The following EVI5 variants were observed in gnomAD, a reference collection of about 807,000 sequenced individuals.
The protein encoded by EVI5 is ecotropic viral integration site 5 protein homolog.
Under a neutral mutation model 112.0 loss-of-function variants are expected in EVI5, and 73 were observed. That is an observed-to-expected ratio of 0.65 (90% CI 0.54 to 0.79). The LOEUF (loss-of-function observed/expected upper bound fraction) is 0.79, where lower values mean the gene tolerates loss of function less well. Among genes scored for constraint, EVI5 ranks in the 30% least tolerant of loss-of-function variants. The pLI is 0.00. For synonymous variants in EVI5, 305 were observed against 319.9 expected, an observed-to-expected ratio of 0.95 and a Z score of 0.50; for missense variants, 900 against 968.8, an observed-to-expected ratio of 0.93 and a Z score of 0.94.
At chr1:92,710,103 G>GAAAAAAAAAA (rs1672623440) in intron 2 of EVI5, among the ~76,000 whole-genome samples, 1 of 19,804 alleles carries the variant, frequency 5.0e-5, no homozygotes. Flanking sequence ...AAAAAAAAGG[G>GAAAAAAAAAA]AGGCCGAGGC....
intron 1 of EVI5, 148 bp downstream of exon 1, chr1:92,784,688 C>G: frequency 2.2e-6 from 1 of 450,036 alleles, no homozygotes; most frequent in Non-Finnish European, 2.9e-6. Flanking sequence ...TAGGCCCTGG[C>G]GGGGCCAGGC....
intron 1 of EVI5, among the ~76,000 whole-genome samples, chr1:92,765,249 C>T: frequency 8.2e-6 from 1 of 122,356 alleles, no homozygotes; most frequent in Non-Finnish European, 1.6e-5. Flanking sequence ...GAGACAGGGT[C>T]TCACCATGTT....
chr1:92,615,197 A>G (rs1652844714), intron 16 of EVI5, among the ~76,000 whole-genome samples: 1 of 152,218 alleles, frequency 6.6e-6, no homozygotes, highest in South Asian at 2.1e-4. Context: ...GTGACTCTAT[A>G]CATAATACCT....
intron 16 of EVI5, among the ~76,000 whole-genome samples, chr1:92,613,361 C>T (rs903751191): frequency 6.6e-6 from 1 of 151,798 alleles, no homozygotes; most frequent in Non-Finnish European, 1.5e-5. Flanking sequence ...TGCAATGGTG[C>T]GACCTTGGCT....
rs1886684 is a variant in EVI5 at position 92,510,381 on chromosome 1, T to A, written c.*3275A>T. The A allele has an allele frequency of 6.6e-6, 1 of 151,992 alleles. No homozygotes were observed. Among genetic ancestry groups the A allele is most frequent in the East Asian group, 1.9e-4 (1 of 5,192 alleles). The allele number at this position is 151,992 out of a possible 1,614,324, so 9.4% of individuals were successfully genotyped here. A position where few individuals can be genotyped will look rare whatever the true frequency, so the allele number is the denominator to read the frequency against. ...TTCTCCTTCTCCAAAGATACAGATATCTTTCTACAGTTTTCTATGGAATAA... is the reference window on the plus strand; with the variant it reads ...TTCTCCTTCTCCAAAGATACAGATAACTTTCTACAGTTTTCTATGGAATAA... On this transcript the variant is annotated 3_prime_UTR_variant, in exon 20 of 20. Coordinates refer to ENST00000684568, the MANE Select transcript of EVI5 (RefSeq NM_001350197.2).
chr1:92,635,660 T>C (rs1658654774), intron 14 of EVI5, among the ~76,000 whole-genome samples: 1 of 152,170 alleles, frequency 6.6e-6, no homozygotes. Flanking sequence ...CCCACTATCC[T>C]GCACCCACTG....
chr1:92,638,522 C>A (rs919245265), intron 13 of EVI5, among the ~76,000 whole-genome samples: 1 of 152,104 alleles, frequency 6.6e-6, no homozygotes, highest in African/African-American at 2.4e-5. Flanking sequence ...CTATAAATTA[C>A]CTGAAGCTAA....
intron 19 of EVI5, among the ~76,000 whole-genome samples, chr1:92,554,946 A>T (rs1375499864): frequency 6.6e-6 from 1 of 152,204 alleles, no homozygotes. Flanking sequence ...GCACCACTGC[A>T]CTCCAGCTGG....
chr1:92,746,609 T>G (rs897520328), intron 1 of EVI5, among the ~76,000 whole-genome samples: 1 of 152,000 alleles, frequency 6.6e-6, no homozygotes, highest in Non-Finnish European at 1.5e-5. Flanking sequence ...GCCTGTAGTC[T>G]CACCTACTTG....
At chr1:92,626,454 CT>C (rs1655684829) in intron 14 of EVI5, among the ~76,000 whole-genome samples, 1 of 152,110 alleles carries the variant, frequency 6.6e-6, no homozygotes, top group South Asian at 2.1e-4. Context: ...GTTGTTTCCA[CT>C]TTTTGACTAT....
intron 1 of EVI5, among the ~76,000 whole-genome samples, chr1:92,759,926 T>A (rs1006661792): frequency 1.3e-5 from 2 of 149,172 alleles, no homozygotes; most frequent in African/African-American, 4.9e-5. Flanking sequence ...TATTTCCACC[T>A]TTTGACTCTT....
In EVI5 at chr1:92,530,210, G is replaced by A. The variant is rs1571337923; in HGVS notation, c.2167-16240C>T. Among the ~76,000 whole-genome samples the A allele has an allele frequency of 2.0e-5, 3 of 152,128 alleles. No homozygotes were observed. The East Asian group carries it at 5.8e-4, about 29-fold the overall frequency. On this transcript the variant is annotated intron_variant, in intron 19 of 19. Transcript: ENST00000684568. ...TTGAAAAAGCCCTAGTGGTAGCAAG[G>A]CCACTGAGGCCAGACTGCCTCTCCA... is the stretch of plus-strand genomic sequence containing the variant.
intron 1 of EVI5, among the ~76,000 whole-genome samples, chr1:92,770,682 T>C (rs979014156): frequency 1.5e-4 from 22 of 151,298 alleles, no homozygotes; most frequent in African/African-American, 4.8e-4. Flanking sequence ...CCCAGCTACT[T>C]GGGAGGCTGA....
intron 19 of EVI5, among the ~76,000 whole-genome samples, chr1:92,543,459 C>A (rs1303476693): frequency 5.9e-5 from 9 of 152,202 alleles, no homozygotes; most frequent in Admixed American, 2.0e-4. Flanking sequence ...GATCTTCTAT[C>A]CAGATCACTC....
intron 2 of EVI5, among the ~76,000 whole-genome samples, chr1:92,718,545 G>A (rs959771744): frequency 2.0e-5 from 3 of 152,236 alleles, no homozygotes; most frequent in African/African-American, 7.2e-5. Flanking sequence ...TTAAAGCAGT[G>A]TGTAGAGGGA....
At chr1:92,777,909 CTTTTT>C (rs11306355) in intron 1 of EVI5, among the ~76,000 whole-genome samples, 68 of 110,336 alleles carry the variant, frequency 6.2e-4, no homozygotes, top group Non-Finnish European at 1.3e-3. Flanking sequence ...ATGCCAAAAT[CTTTTT>C]TTTTTTTTTT....
chr1:92,619,390 G>C (rs1319716753), intron 16 of EVI5, among the ~76,000 whole-genome samples: 1 of 151,756 alleles, frequency 6.6e-6, no homozygotes, highest in African/African-American at 2.4e-5. Context: ...TCAGCTTGTA[G>C]GCAGCCTATT....
At chr1:92,666,984 G>A (rs1409616174) in intron 10 of EVI5, among the ~76,000 whole-genome samples, 1 of 152,124 alleles carries the variant, frequency 6.6e-6, no homozygotes, top group Non-Finnish European at 1.5e-5. Flanking sequence ...CACGTTCATA[G>A]GCTAAACATC....
chr1:92,578,547 C>T (rs1671439491), intron 18 of EVI5, among the ~76,000 whole-genome samples: 1 of 151,914 alleles, frequency 6.6e-6, no homozygotes, highest in Admixed American at 6.6e-5. Flanking sequence ...AACCCCGTAT[C>T]TACTAAACAA....
Sources: gnomAD v4.1 joint callset for allele counts (sites outside exome capture counted in the v4.1 genomes callset) on GRCh38, gnomAD v4.1.1 for gene constraint, MANE v1.5 for transcripts, NCBI Gene and HGNC (gene_info 2026-07-23, HGNC 2026-07-21) for gene names.